The following DLGAP1 variants were observed in gnomAD, a reference collection of about 807,000 sequenced individuals.
DLGAP1 encodes the protein DLG associated protein 1, also known as disks large-associated protein 1.
DLGAP1 carries 11 observed loss-of-function variants against 90.8 expected under a neutral mutation model. That is an observed-to-expected ratio of 0.12 (90% CI 0.08 to 0.20). The LOEUF (loss-of-function observed/expected upper bound fraction) is 0.20, where lower values mean the gene tolerates loss of function less well. Ranked by LOEUF, DLGAP1 falls within the 10% of genes least tolerant of loss-of-function variation. DLGAP1 has a pLI of 1.00. For synonymous variants in DLGAP1, 558 were observed against 540.7 expected, an observed-to-expected ratio of 1.03 and a Z score of -0.44; for missense variants, 1,050 against 1,333.8, an observed-to-expected ratio of 0.79 and a Z score of 3.31.
At chr18:3,903,533 G>T (rs2071830812) in intron 3 of DLGAP1, among the ~76,000 whole-genome samples, 1 of 152,154 alleles carries the variant, frequency 6.6e-6, no homozygotes, top group Non-Finnish European at 1.5e-5. Context: ...AATGGTCCTA[G>T]GGTTCTTTTG....
rs934319423 is a variant in DLGAP1, at chr18:3,925,030, G to A, written c.-72-44890C>T. Among the ~76,000 whole-genome samples, 7 of 152,118 alleles carry A rather than the reference G, an allele frequency of 4.6e-5. No individual in the cohort carries two copies. The South Asian group carries it at 1.2e-3, about 27-fold the overall frequency. On this transcript the variant is annotated intron_variant, in intron 3 of 12. Coordinates refer to ENST00000315677, the MANE Select transcript of DLGAP1 (RefSeq NM_004746.4). The stretch of plus-strand genomic sequence containing the variant: ...TGCAGTGGCGTGATCTTGGCTTACC[G>A]CAACCTCCGCCGCCTGAGTTCAAGC...
At chr18:4,094,513 G>A (rs1046137204) in intron 2 of DLGAP1, among the ~76,000 whole-genome samples, 7 of 150,258 alleles carry the variant, frequency 4.7e-5, no homozygotes, top group Non-Finnish European at 1.0e-4. Context: ...CTGTAGAATT[G>A]ATTCTTTTCT....
In DLGAP1 at chr18:3,573,134, GT is replaced by G. The variant is rs140894656; in HGVS notation, c.1966-5554del. 2.9e-3 allele frequency among the ~76,000 whole-genome samples: 437 copies of G among 152,236 alleles called. 4 individuals are homozygous for G. The highest frequency in any genetic ancestry group is 0.01 in the African/African-American group (421 of 41,538). On this transcript the variant is annotated intron_variant, in intron 8 of 12. Transcript: ENST00000315677. ...TTTTTACATGTATTTTTGTAAGCAT[GT>G]TATTCCATAATTATTTTTTCTTGTG...
At chr18:3,590,415 C>G (rs573043845) in intron 7 of DLGAP1, among the ~76,000 whole-genome samples, 24 of 152,236 alleles carry the variant, frequency 1.6e-4, no homozygotes, top group South Asian at 1.0e-3. Context: ...CAGGTTCCCC[C>G]CTGTGGATTT....
At position 3,598,230 on chromosome 18, in the gene DLGAP1, A is replaced by G. The variant is rs187275105; in HGVS notation, c.1592-15982T>C. On this transcript the variant is annotated intron_variant, in intron 7 of 12. Transcript: ENST00000315677. The stretch of plus-strand genomic sequence containing the variant: ...GCTGGGCGTAGTGGCGCATGCCTGT[A>G]GTCCCAGCTGCTCGGGAGGCTGAGG... 333 of 152,342 alleles carry G rather than the reference A, an allele frequency of 2.2e-3. 2 individuals are homozygous for G. The highest frequency in any genetic ancestry group is 3.4e-3 in the Non-Finnish European group (233 of 68,092). The allele number at this position is 152,342 out of a possible 1,614,324, so 9.4% of individuals were successfully genotyped here.
chr18:3,698,756 TC>T (rs1292807857), intron 7 of DLGAP1, among the ~76,000 whole-genome samples: 1 of 152,176 alleles, frequency 6.6e-6, no homozygotes, highest in Non-Finnish European at 1.5e-5. Flanking sequence ...GGTTCCTTTC[TC>T]CCCATCACTT....
At chr18:3,608,706 T>C (rs2057445149) in intron 7 of DLGAP1, among the ~76,000 whole-genome samples, 1 of 152,208 alleles carries the variant, frequency 6.6e-6, no homozygotes, top group Non-Finnish European at 1.5e-5. Flanking sequence ...AAGATGCTCA[T>C]TCCAGAGAGG....
intron 2 of DLGAP1, among the ~76,000 whole-genome samples, chr18:4,008,532 C>T (rs1375023355): frequency 6.6e-6 from 1 of 152,094 alleles, no homozygotes; most frequent in Non-Finnish European, 1.5e-5. Flanking sequence ...CAAAGACAGG[C>T]ACAGCAGTTG....
At chr18:4,058,815 G>A (rs1479352055) in intron 2 of DLGAP1, among the ~76,000 whole-genome samples, 1 of 152,126 alleles carries the variant, frequency 6.6e-6, no homozygotes, top group Non-Finnish European at 1.5e-5. Flanking sequence ...CTAGATTCTT[G>A]CAGCAGCTAG....
chr18:3,622,504 A>T (rs1465994780), intron 7 of DLGAP1, among the ~76,000 whole-genome samples: 2 of 152,124 alleles, frequency 1.3e-5, no homozygotes, highest in Non-Finnish European at 2.9e-5. Flanking sequence ...GGAATGTGGG[A>T]GGAGGGAGAG....
chr18:3,775,051 C>T lies in DLGAP1; in HGVS notation c.1173-32539G>A, dbSNP rs1018097920. Among the ~76,000 whole-genome samples the T allele has an allele frequency of 3.3e-5, 5 of 152,184 alleles. No homozygotes were observed. Among genetic ancestry groups the T allele is most frequent in the East Asian group, 1.9e-4 (1 of 5,194 alleles). ...ATCTGGACGGACTTTTTTCACAAAC[C>T]ACTGTCGCTCTGCAGGCCCCACAGG... On this transcript the variant is annotated intron_variant, in intron 5 of 12. Coordinates refer to ENST00000315677, the MANE Select transcript of DLGAP1 (RefSeq NM_004746.4). The surrounding 1 kb of genome is among the most constrained non-coding windows in gnomAD (Gnocchi z 4.9).
intron 7 of DLGAP1, among the ~76,000 whole-genome samples, chr18:3,671,171 T>C (rs981010890): frequency 2.2e-5 from 3 of 135,454 alleles, no homozygotes; most frequent in Admixed American, 7.7e-5. Flanking sequence ...CTTCTGGCCT[T>C]TGCTCTTTGC....
intron 3 of DLGAP1, among the ~76,000 whole-genome samples, chr18:3,935,140 T>TAACACAC (rs142863723): frequency 0.14 from 21,790 of 152,108 alleles, 1,609 homozygotes; most frequent in Middle Eastern, 0.18. Flanking sequence ...TTATAACACA[T>TAACACAC]AACACACTTC....
chr18:3,955,243 T>C (rs953282777), intron 3 of DLGAP1, among the ~76,000 whole-genome samples: 4 of 152,140 alleles, frequency 2.6e-5, no homozygotes, highest in Non-Finnish European at 5.9e-5. Context: ...TAGCCTTATA[T>C]TGGGCATGCT....
intron 10 of DLGAP1, among the ~76,000 whole-genome samples, chr18:3,518,658 T>C (rs1256640170): frequency 2.0e-5 from 3 of 152,196 alleles, no homozygotes; most frequent in Non-Finnish European, 4.4e-5. Context: ...CTATTGATCT[T>C]GGGAAAGTTG....
intron 3 of DLGAP1, among the ~76,000 whole-genome samples, chr18:3,893,581 A>AAATAAT (rs57334634): frequency 0.034 from 4,902 of 143,006 alleles, 106 homozygotes; most frequent in African/African-American, 0.057. Context: ...CTCAATCTCA[A>AAATAAT]AATAATAATA....
At chr18:3,760,946 G>A (rs1208511017) in intron 5 of DLGAP1, among the ~76,000 whole-genome samples, 2 of 152,166 alleles carry the variant, frequency 1.3e-5, no homozygotes, top group African/African-American at 2.4e-5. Flanking sequence ...TTGGGTCCGT[G>A]ACACTGTGCA....
rs1392397675 is a variant in DLGAP1, at chr18:4,390,855, A to C, written c.-267+64151T>G. Reference sequence around the variant, plus strand: ...TGGGCAAAGCTTTGAGATCTTTAACACTGTTTTTCACGGTTCCTCCATGTT... The same window carrying C: ...TGGGCAAAGCTTTGAGATCTTTAACCCTGTTTTTCACGGTTCCTCCATGTT... On this transcript the variant is annotated intron_variant, in intron 1 of 12. Coordinates refer to ENST00000315677, the MANE Select transcript of DLGAP1 (RefSeq NM_004746.4). 2.0e-5 allele frequency among the ~76,000 whole-genome samples: 3 copies of C among 152,054 alleles called. No homozygotes were observed. The East Asian group carries it at 5.8e-4, about 29-fold the overall frequency.
chr18:3,871,148 C>A (rs990967709), intron 4 of DLGAP1, among the ~76,000 whole-genome samples: 4 of 152,186 alleles, frequency 2.6e-5, no homozygotes, highest in Non-Finnish European at 5.9e-5. Context: ...AGTGAGCCTG[C>A]GAGTGCCAGG....
Sources: allele counts gnomAD v4.1 joint callset (sites outside exome capture counted in the v4.1 genomes callset), GRCh38; gene constraint gnomAD v4.1.1; non-coding constraint Gnocchi (gnomAD v3.1); transcripts MANE v1.5; gene names NCBI Gene and HGNC (gene_info 2026-07-23, HGNC 2026-07-21).